B3GLCT: variants seen among roughly 807,000 people sequenced by gnomAD.
B3GLCT encodes the protein beta 3-glucosyltransferase, also known as beta-1,3-glucosyltransferase.
A neutral mutation model predicts 63.4 loss-of-function variants in B3GLCT; 65 were observed. The observed-to-expected ratio is 1.03, with a 90% CI of 0.84 to 1.26. The LOEUF is 1.26. B3GLCT is among the 50% of genes most tolerant of loss of function. B3GLCT has a pLI of 0.00. For missense variants in B3GLCT, 577 were observed against 604.8 expected (o/e 0.95, Z 0.48); for synonymous variants, 233 against 219.2 (o/e 1.06, Z -0.55).
chr13:31,297,288 A>G (rs1200012117), intron 12 of B3GLCT, among the ~76,000 whole-genome samples: 1 of 151,988 alleles, frequency 6.6e-6, no homozygotes, highest in African/African-American at 2.4e-5. Context: ...CTGTTTTCCC[A>G]TAGAGGTTGT....
chr13:31,256,110 T>C (rs1238474327), intron 6 of B3GLCT, among the ~76,000 whole-genome samples: 1 of 151,812 alleles, frequency 6.6e-6, no homozygotes, highest in Non-Finnish European at 1.5e-5. Flanking sequence ...AAGAACGCCA[T>C]CAAAAAGTAG....
At chr13:31,263,741 T>C (rs1450726635) in intron 7 of B3GLCT, among the ~76,000 whole-genome samples, 4 of 152,166 alleles carry the variant, frequency 2.6e-5, no homozygotes, top group African/African-American at 9.7e-5. Context: ...TTCCCCATTG[T>C]GTTTGTGAGA....
intron 12 of B3GLCT, 65 bp downstream of exon 12, chr13:31,286,884 A>G: frequency 8.7e-7 from 1 of 1,147,348 alleles, no homozygotes. Flanking sequence ...AAAAAACTAG[A>G]TGGGTACTTT....
rs1875874177 is a variant in B3GLCT at position 31,330,628 on chromosome 13, C to G, written c.*960C>G. 1 of 149,912 alleles carries G rather than the reference C, an allele frequency of 6.7e-6. No homozygotes were observed. The allele number at this position is 149,912 out of a possible 1,614,324, so 9.3% of individuals were successfully genotyped here. ...GTGGAAGGACAGCATGGTGATCAGGCAATTTCTCTGGGTTCCCAAAGAATG... is the reference window on the plus strand; with the variant it reads ...GTGGAAGGACAGCATGGTGATCAGGGAATTTCTCTGGGTTCCCAAAGAATG... On this transcript the variant is annotated 3_prime_UTR_variant, in exon 15 of 15. Transcript: ENST00000343307.
At chr13:31,200,204 GCA>G in intron 1 of B3GLCT, 50 bp downstream of exon 1, 1 of 1,163,348 alleles carries the variant, frequency 8.6e-7, no homozygotes, top group African/African-American at 1.6e-5. Context: ...GGGTTCGCGG[GCA>G]CAGTCGCCCG....
chr13:31,222,699 A>G (rs1005009244), intron 2 of B3GLCT, among the ~76,000 whole-genome samples: 3 of 152,240 alleles, frequency 2.0e-5, no homozygotes, highest in Admixed American at 6.5e-5. Flanking sequence ...AGCTCAATCA[A>G]TTGACTTGCC....
intron 6 of B3GLCT, among the ~76,000 whole-genome samples, chr13:31,260,083 G>A (rs970522815): frequency 3.3e-5 from 5 of 152,122 alleles, no homozygotes; most frequent in Non-Finnish European, 5.9e-5. Context: ...CCTTTTGCCT[G>A]TCTCTTTTGT....
chr13:31,284,582 C>A lies in B3GLCT; in HGVS notation c.851-66C>A, dbSNP rs1387814541. The A allele has an allele frequency of 3.4e-6, 3 of 874,342 alleles. No homozygotes were observed. The African/African-American group carries it at 5.0e-5, about 14-fold the overall frequency. The allele number at this position is 874,342 out of a possible 1,614,324, so 54.2% of individuals were successfully genotyped here. On this transcript the variant is annotated intron_variant, in intron 10 of 14. Coordinates refer to ENST00000343307, the MANE Select transcript of B3GLCT (RefSeq NM_194318.4). ...CTTCCTTTGTAGATGATTATACTGC[C>A]ATTTTGAATTTTTAAGCTTCCTTGT...
intron 7 of B3GLCT, among the ~76,000 whole-genome samples, chr13:31,261,936 A>T (rs893120014): frequency 1.3e-5 from 2 of 152,210 alleles, no homozygotes; most frequent in Non-Finnish European, 2.9e-5. Flanking sequence ...AATCCAAACA[A>T]CAACAACAAA....
At chr13:31,222,532 A>C (rs540199113) in intron 2 of B3GLCT, among the ~76,000 whole-genome samples, 1 of 152,198 alleles carries the variant, frequency 6.6e-6, no homozygotes, top group African/African-American at 2.4e-5. Flanking sequence ...TAATTAGTAG[A>C]ACTTATCTTC....
intron 10 of B3GLCT, among the ~76,000 whole-genome samples, chr13:31,278,168 G>A (rs1010057280): frequency 6.6e-6 from 1 of 151,948 alleles, no homozygotes; most frequent in African/African-American, 2.4e-5. Flanking sequence ...TGTTAAGGAT[G>A]GTGTTGCTGG....
chr13:31,210,061 C>T (rs1947205693), intron 1 of B3GLCT, among the ~76,000 whole-genome samples: 1 of 152,154 alleles, frequency 6.6e-6, no homozygotes, highest in African/African-American at 2.4e-5. Context: ...CACTCCGGGG[C>T]TTAGGCTGGC....
At chr13:31,221,701 A>T (rs957957611) in intron 2 of B3GLCT, among the ~76,000 whole-genome samples, 1 of 152,144 alleles carries the variant, frequency 6.6e-6, no homozygotes, top group Non-Finnish European at 1.5e-5. Flanking sequence ...TTCTTAGAGG[A>T]TGCATCTCTG....
At chr13:31,287,861 A>G (rs1873424774) in intron 12 of B3GLCT, among the ~76,000 whole-genome samples, 1 of 152,184 alleles carries the variant, frequency 6.6e-6, no homozygotes, top group Non-Finnish European at 1.5e-5. Flanking sequence ...ATTGAGGTGA[A>G]AAACCCACTG....
intron 12 of B3GLCT, among the ~76,000 whole-genome samples, chr13:31,290,117 G>A (rs943540284): frequency 2.0e-5 from 3 of 152,090 alleles, no homozygotes; most frequent in Non-Finnish European, 4.4e-5. Flanking sequence ...AACATGTGGC[G>A]TTTGGTTTTC....
chr13:31,267,679 C>G (rs1872393206), intron 7 of B3GLCT, among the ~76,000 whole-genome samples: 1 of 152,136 alleles, frequency 6.6e-6, no homozygotes, highest in African/African-American at 2.4e-5. Context: ...GAGACAAATG[C>G]TTTGTAATGA....
At chr13:31,275,529 G>A (rs1362200715) in intron 9 of B3GLCT, among the ~76,000 whole-genome samples, 8 of 152,072 alleles carry the variant, frequency 5.3e-5, no homozygotes, top group South Asian at 4.1e-4. Context: ...CCACAAGCCC[G>A]CACCCTTTAC....
rs202096313 is a variant in B3GLCT at position 31,323,745 on chromosome 13, C to A, written c.1185-6C>A. 2 of 1,614,076 alleles carry A rather than the reference C, an allele frequency of 1.2e-6. No individual in the cohort carries two copies. The highest frequency in any genetic ancestry group is 2.2e-5 in the South Asian group (2 of 91,064). On this transcript the variant is annotated splice_polypyrimidine_tract_variant and splice_region_variant and intron_variant, in intron 13 of 14. Coordinates refer to ENST00000343307, the MANE Select transcript of B3GLCT (RefSeq NM_194318.4). ...TAACCCCTTTCTCTGCTCTGGCTCC[C>A]ACTAGAATGGTCTTCAGCAGAGAAG...
rs1293646187 is a variant in B3GLCT, at chr13:31,289,989, T to TCTA, written c.1064+3170_1064+3171insCTA. On this transcript the variant is annotated intron_variant, in intron 12 of 14. Coordinates refer to ENST00000343307, the MANE Select transcript of B3GLCT (RefSeq NM_194318.4). Reference sequence around the variant, plus strand: ...TCATCAACCCATCATCTACATTAGGTATTTCTCCTAATGCTACCCCTCCCC... The same window carrying TCTA: ...TCATCAACCCATCATCTACATTAGGTCTAATTTCTCCTAATGCTACCCCTCCCC... Among the ~76,000 whole-genome samples the TCTA allele has an allele frequency of 3.3e-5, 5 of 152,026 alleles. No homozygotes were observed. In the East Asian group the frequency reaches 9.6e-4, roughly 29 times the overall value.
Sources: allele counts gnomAD v4.1 joint callset (sites outside exome capture counted in the v4.1 genomes callset), GRCh38; gene constraint gnomAD v4.1.1; transcripts MANE v1.5; gene names NCBI Gene and HGNC (gene_info 2026-07-23, HGNC 2026-07-21).